Variants in CPQ observed in about 807,000 individuals in gnomAD.
CPQ encodes the protein carboxypeptidase Q, also known as Ser-Met dipeptidase.
CPQ carries 37 observed loss-of-function variants against 45.7 expected under a neutral mutation model. The observed-to-expected ratio is 0.81, with a 90% CI of 0.62 to 1.07. The LOEUF is 1.07. Ranked by LOEUF, CPQ falls within the 50% of genes least tolerant of loss-of-function variation. The pLI is 0.00. For missense variants in CPQ, 537 were observed against 572.9 expected, an observed-to-expected ratio of 0.94 and a Z score of 0.64; for synonymous variants, 186 against 205.8, an observed-to-expected ratio of 0.90 and a Z score of 0.82.
At chr8:97,022,833 G>A (rs1473227546) in intron 5 of CPQ, among the ~76,000 whole-genome samples, 1 of 151,614 alleles carries the variant, frequency 6.6e-6, no homozygotes, top group Non-Finnish European at 1.5e-5. Context: ...ATTCCTTAAA[G>A]AACTAAAAGT....
At chr8:96,879,198 C>A (rs1284393333) in intron 3 of CPQ, among the ~76,000 whole-genome samples, 1 of 151,242 alleles carries the variant, frequency 6.6e-6, no homozygotes, top group South Asian at 2.1e-4. Context: ...GTTTTTTTTT[C>A]TCTTGTGGCA....
intron 7 of CPQ, among the ~76,000 whole-genome samples, chr8:97,085,250 G>A (rs1240243776): frequency 6.6e-6 from 1 of 151,938 alleles, no homozygotes; most frequent in African/African-American, 2.4e-5. Flanking sequence ...CAGGCGCAGT[G>A]GTGCATTCCT....
At chr8:96,840,185 T>C (rs1235118814) in intron 3 of CPQ, among the ~76,000 whole-genome samples, 1 of 152,182 alleles carries the variant, frequency 6.6e-6, no homozygotes, top group Non-Finnish European at 1.5e-5. Flanking sequence ...AGACTCTCTG[T>C]AAATATCAAA....
intron 2 of CPQ, among the ~76,000 whole-genome samples, chr8:96,817,636 C>T (rs1233118156): frequency 6.6e-6 from 1 of 151,088 alleles, no homozygotes; most frequent in African/African-American, 2.4e-5. Flanking sequence ...ATTATTGAGA[C>T]AGAGTCTTGC....
At chr8:96,757,476 A>G (rs1184861397) in intron 1 of CPQ, among the ~76,000 whole-genome samples, 3 of 151,286 alleles carry the variant, frequency 2.0e-5, no homozygotes, top group Non-Finnish European at 4.4e-5. Flanking sequence ...GCCTGAGGCC[A>G]AGTTTATTCT....
At chr8:97,053,493 G>C (rs1251182896) in intron 6 of CPQ, among the ~76,000 whole-genome samples, 2 of 152,196 alleles carry the variant, frequency 1.3e-5, no homozygotes, top group African/African-American at 4.8e-5. Flanking sequence ...ACCTGGAGGA[G>C]AGCATTCTAG....
intron 6 of CPQ, among the ~76,000 whole-genome samples, chr8:97,063,378 C>T (rs1810585205): frequency 6.6e-6 from 1 of 152,132 alleles, no homozygotes; most frequent in South Asian, 2.1e-4. Flanking sequence ...GTATATTAGA[C>T]CTTTGTCAGA....
At chr8:96,917,522 C>T (rs1481145506) in intron 4 of CPQ, among the ~76,000 whole-genome samples, 2 of 152,066 alleles carry the variant, frequency 1.3e-5, no homozygotes, top group Non-Finnish European at 2.9e-5. Flanking sequence ...CTCATACTTC[C>T]TGCTCCAGTC....
chr8:97,014,031 C>T (rs564817482), intron 5 of CPQ, among the ~76,000 whole-genome samples: 1 of 152,166 alleles, frequency 6.6e-6, no homozygotes, highest in African/African-American at 2.4e-5. Context: ...AGGCAGATGA[C>T]TGCTATAGGT....
chr8:96,761,852 C>G (rs1166734651), intron 1 of CPQ, among the ~76,000 whole-genome samples: 1 of 152,214 alleles, frequency 6.6e-6, no homozygotes. Flanking sequence ...AGGGCTCAGT[C>G]TCTTTACTAT....
intron 4 of CPQ, among the ~76,000 whole-genome samples, chr8:96,959,445 A>C (rs1461407897): frequency 2.0e-5 from 3 of 152,146 alleles, no homozygotes; most frequent in African/African-American, 7.2e-5. Context: ...AAAATCTCCA[A>C]GGCAGGAAAT....
chr8:96,816,901 T>TA (rs1164652160), intron 2 of CPQ, among the ~76,000 whole-genome samples: 2 of 152,314 alleles, frequency 1.3e-5, no homozygotes, highest in East Asian at 3.9e-4. Context: ...TATAAACAGA[T>TA]ACGCTGTCAT....
chr8:96,993,786 AT>A (rs1306613242), intron 5 of CPQ, among the ~76,000 whole-genome samples: 4 of 152,186 alleles, frequency 2.6e-5, no homozygotes, highest in Non-Finnish European at 5.9e-5. Context: ...AGGTATCATA[AT>A]TATGTATTAT....
At chr8:96,856,451 TTTA>T (rs1811852461) in intron 3 of CPQ, among the ~76,000 whole-genome samples, 1 of 152,218 alleles carries the variant, frequency 6.6e-6, no homozygotes. Flanking sequence ...GGCACATATT[TTTA>T]TTTGAAATTA....
At chr8:97,131,825 A>G (rs2130623126) in intron 7 of CPQ, among the ~76,000 whole-genome samples, 1 of 152,348 alleles carries the variant, frequency 6.6e-6, no homozygotes, top group South Asian at 2.1e-4. Flanking sequence ...AAGGACCCTT[A>G]TAGGTTCCTA....
intron 1 of CPQ, among the ~76,000 whole-genome samples, chr8:96,758,588 A>T (rs1156910371): frequency 6.6e-6 from 1 of 152,078 alleles, no homozygotes; most frequent in African/African-American, 2.4e-5. Context: ...ATAATGGGAG[A>T]TGGGGGAGGC....
intron 2 of CPQ, among the ~76,000 whole-genome samples, chr8:96,816,776 G>A (rs1336332121): frequency 6.6e-6 from 1 of 152,118 alleles, no homozygotes; most frequent in Non-Finnish European, 1.5e-5. Flanking sequence ...GAGTGAACAG[G>A]TGCCATGCCA....
chr8:96,784,741 G>A, intron 1 of CPQ, 123 bp from the exon 2 acceptor site: 1 of 665,102 alleles, frequency 1.5e-6, no homozygotes, highest in Non-Finnish European at 2.6e-6. Context: ...TGAATTTGAT[G>A]GTGGATGTTG....
At chr8:96,660,414 A>T (rs183152633) in intron 1 of CPQ, among the ~76,000 whole-genome samples, 51 of 152,292 alleles carry the variant, frequency 3.3e-4, no homozygotes, top group African/African-American at 1.1e-3. Context: ...CCCCATTTTC[A>T]AATAGTCACA....
Sources: allele counts gnomAD v4.1 joint callset (sites outside exome capture counted in the v4.1 genomes callset), GRCh38; gene constraint gnomAD v4.1.1; transcripts MANE v1.5; gene names NCBI Gene and HGNC (gene_info 2026-07-23, HGNC 2026-07-21).